ARL15: variants seen among roughly 807,000 people sequenced by gnomAD.
ARL15 encodes the protein ADP-ribosylation factor-like protein 15.
A neutral mutation model predicts 25.2 loss-of-function variants in ARL15; 19 were observed. That is an observed-to-expected ratio of 0.75 (90% confidence interval 0.53 to 1.10). The LOEUF (loss-of-function observed/expected upper bound fraction) is 1.10. ARL15 is among the 50% of genes least tolerant of loss of function. The pLI is 0.00. For synonymous variants in ARL15, 94 were observed against 86.8 expected, an observed-to-expected ratio of 1.08 and a Z score of -0.46; for missense variants, 220 against 246.0, an observed-to-expected ratio of 0.89 and a Z score of 0.71.
At chr5:54,283,934 G>GT (rs1409139361) in intron 1 of ARL15, among the ~76,000 whole-genome samples, 1 of 152,154 alleles carries the variant, frequency 6.6e-6, no homozygotes, top group Non-Finnish European at 1.5e-5. Flanking sequence ...TTTCCAGGCT[G>GT]TAACGGAGAC....
intron 2 of ARL15, 54 bp downstream of exon 2, chr5:54,171,730 A>G: frequency 6.4e-7 from 1 of 1,553,764 alleles, no homozygotes; most frequent in African/African-American, 1.4e-5. Flanking sequence ...ACAGGAAACT[A>G]GGACATCTTG....
intron 3 of ARL15, among the ~76,000 whole-genome samples, chr5:54,139,082 A>G (rs1300993308): frequency 1.3e-5 from 2 of 152,214 alleles, no homozygotes; most frequent in Non-Finnish European, 2.9e-5. Flanking sequence ...AAATTAGTAC[A>G]ACCTCTATGG....
At chr5:53,906,215 A>T (rs1171010626) in intron 4 of ARL15, among the ~76,000 whole-genome samples, 1 of 152,202 alleles carries the variant, frequency 6.6e-6, no homozygotes, top group Non-Finnish European at 1.5e-5. Context: ...GTGGACACCA[A>T]ATATGTAGTA....
chr5:54,290,831 T>C (rs1339455759), intron 1 of ARL15, among the ~76,000 whole-genome samples: 3 of 152,204 alleles, frequency 2.0e-5, no homozygotes, highest in Non-Finnish European at 4.4e-5. Flanking sequence ...TTCAGCACTG[T>C]CCTTCTACTA....
Position 54,118,367 on chromosome 5 carries a change from C to G in ARL15, c.254-4957G>C, listed in dbSNP as rs548722448. Among the ~76,000 whole-genome samples the G allele has an allele frequency of 2.0e-4, 30 of 152,212 alleles. 1 individual carries two copies. In the South Asian group the frequency reaches 6.0e-3, roughly 31 times the overall value. On this transcript the variant is annotated intron_variant, in intron 3 of 4. Transcript: ENST00000504924. ...AGCATCCGGCCCTCTTCTATTAAAC[C>G]AGATTAAAAAGATTTGCCAATTTTC...
intron 1 of ARL15, among the ~76,000 whole-genome samples, chr5:54,185,229 G>A (rs1025864765): frequency 8.6e-5 from 13 of 151,946 alleles, no homozygotes; most frequent in East Asian, 5.8e-4. Flanking sequence ...TCTCTTTCCG[G>A]CTCCATGTCA....
At chr5:54,118,513 C>T (rs1193226306) in intron 3 of ARL15, among the ~76,000 whole-genome samples, 1 of 152,108 alleles carries the variant, frequency 6.6e-6, no homozygotes, top group Admixed American at 6.6e-5. Context: ...TCTGACATGG[C>T]ACATATGGAT....
At chr5:54,272,718 C>T (rs1757820670) in intron 1 of ARL15, among the ~76,000 whole-genome samples, 1 of 152,204 alleles carries the variant, frequency 6.6e-6, no homozygotes, top group Non-Finnish European at 1.5e-5. Flanking sequence ...ACTCCCTCTT[C>T]TGTGGTGCCT....
chr5:53,904,180 G>A (rs372871638), intron 4 of ARL15, among the ~76,000 whole-genome samples: 7 of 152,196 alleles, frequency 4.6e-5, no homozygotes, highest in East Asian at 1.9e-4. Flanking sequence ...TGGATCAACC[G>A]ACTCTTCATT....
chr5:53,930,762 T>C (rs1316130835), intron 4 of ARL15, among the ~76,000 whole-genome samples: 1 of 152,144 alleles, frequency 6.6e-6, no homozygotes, highest in Non-Finnish European at 1.5e-5. Context: ...ACACTGTTAA[T>C]TCAAGTGGTT....
intron 1 of ARL15, chr5:54,286,231 T>A (rs2112678674): frequency 6.6e-6 from 1 of 152,294 alleles, no homozygotes; most frequent in Middle Eastern, 3.4e-3. Flanking sequence ...AGGATGATGA[T>A]AATCTACCCA....
chr5:54,092,044 G>A (rs942156322), intron 4 of ARL15, among the ~76,000 whole-genome samples: 2 of 107,538 alleles, frequency 1.9e-5, no homozygotes, highest in Non-Finnish European at 4.1e-5. Context: ...TGCTCAAATT[G>A]AAAACACACA....
chr5:54,279,409 CT>C (rs1183715812), intron 1 of ARL15, among the ~76,000 whole-genome samples: 1 of 152,160 alleles, frequency 6.6e-6, no homozygotes, highest in Non-Finnish European at 1.5e-5. Context: ...GGATCTCTTC[CT>C]GGCTTAAAGA....
At chr5:54,305,626 C>T (rs918314359) in intron 1 of ARL15, among the ~76,000 whole-genome samples, 2 of 152,128 alleles carry the variant, frequency 1.3e-5, no homozygotes, top group Admixed American at 6.6e-5. Flanking sequence ...TTTTCCTATA[C>T]ACACACACCT....
In ARL15 at chr5:54,078,667, C is replaced by T. The variant is rs183423578; in HGVS notation, c.462+34535G>A. On this transcript the variant is annotated intron_variant, in intron 4 of 4. Transcript: ENST00000504924. ...CATTAATAGCTAAAATGACTATTCT[C>T]GCTAAAGTAACATTGACTGAACATT... is the stretch of plus-strand genomic sequence containing the variant. 9.9e-5 allele frequency among the ~76,000 whole-genome samples: 15 copies of T among 151,846 alleles called. No homozygotes were observed. In the East Asian group the frequency reaches 1.2e-3, roughly 12 times the overall value.
chr5:54,064,318 T>C (rs1013623125), intron 4 of ARL15, among the ~76,000 whole-genome samples: 2 of 152,162 alleles, frequency 1.3e-5, no homozygotes, highest in Non-Finnish European at 2.9e-5. Context: ...TAATGTGGCC[T>C]ATGACTCCCT....
At chr5:54,071,919 G>A (rs1459405548) in intron 4 of ARL15, among the ~76,000 whole-genome samples, 4 of 148,684 alleles carry the variant, frequency 2.7e-5, no homozygotes, top group African/African-American at 1.0e-4. Flanking sequence ...GTTGCAGTGA[G>A]CCAAGATTGC....
intron 1 of ARL15, among the ~76,000 whole-genome samples, chr5:54,215,255 T>G (rs1211621735): frequency 6.6e-6 from 1 of 152,122 alleles, no homozygotes; most frequent in Middle Eastern, 3.2e-3. Flanking sequence ...ACAAGCTATA[T>G]TCTGTGGAAG....
intron 3 of ARL15, among the ~76,000 whole-genome samples, chr5:54,141,229 C>T (rs537210210): frequency 6.6e-6 from 1 of 152,226 alleles, no homozygotes; most frequent in East Asian, 1.9e-4. Flanking sequence ...TAAAAGTCTA[C>T]ACATTAAGTT....
Sources: allele counts gnomAD v4.1 joint callset (sites outside exome capture counted in the v4.1 genomes callset), GRCh38; gene constraint gnomAD v4.1.1; transcripts MANE v1.5; gene names NCBI Gene and HGNC (gene_info 2026-07-23, HGNC 2026-07-21).